SCFD1: variants seen among roughly 807,000 people sequenced by gnomAD.
The protein encoded by SCFD1 is sec1 family domain-containing protein 1.
SCFD1 carries 37 observed loss-of-function variants against 103.2 expected under a neutral mutation model. The ratio of observed to expected loss-of-function variants is 0.36; its 90% CI spans 0.28 to 0.47. The LOEUF is 0.47. SCFD1 is among the 20% of genes least tolerant of loss of function. The pLI, the probability that SCFD1 is intolerant of heterozygous loss-of-function variation, is 1.00. For synonymous variants in SCFD1, 264 were observed against 245.0 expected, an observed-to-expected ratio of 1.08 and a Z score of -0.73; for missense variants, 639 against 761.2, an observed-to-expected ratio of 0.84 and a Z score of 1.89.
intron 20 of SCFD1, among the ~76,000 whole-genome samples, chr14:30,716,788 CAAG>C (rs1320037270): frequency 6.6e-6 from 1 of 151,984 alleles, no homozygotes; most frequent in Non-Finnish European, 1.5e-5. Context: ...ACTGTAATAA[CAAG>C]AAACTAACAA....
chr14:30,709,353 A>T (rs1272018775), intron 19 of SCFD1, among the ~76,000 whole-genome samples: 1 of 151,826 alleles, frequency 6.6e-6, no homozygotes, highest in African/African-American at 2.4e-5. Context: ...GCTGGAGTGC[A>T]GTGATGCTAG....
chr14:30,675,961 T>G (rs1309092667), intron 14 of SCFD1, among the ~76,000 whole-genome samples: 1 of 152,206 alleles, frequency 6.6e-6, no homozygotes, highest in Admixed American at 6.5e-5. Flanking sequence ...GTTTCACATC[T>G]TGGTACTTGA....
chr14:30,632,919 A>G (rs1039486917), intron 3 of SCFD1, among the ~76,000 whole-genome samples: 6 of 152,188 alleles, frequency 3.9e-5, no homozygotes, highest in Admixed American at 1.3e-4. Flanking sequence ...CTAACTTGCT[A>G]CTTGCCACCA....
chr14:30,655,065 C>T (rs964557369), intron 10 of SCFD1, among the ~76,000 whole-genome samples: 5 of 152,132 alleles, frequency 3.3e-5, no homozygotes, highest in Non-Finnish European at 1.5e-5. Context: ...CTTTCTAGAG[C>T]TTACATTCTA....
intron 15 of SCFD1, among the ~76,000 whole-genome samples, chr14:30,696,724 A>C (rs1482593522): frequency 1.3e-5 from 2 of 152,144 alleles, no homozygotes; most frequent in African/African-American, 4.8e-5. Flanking sequence ...GCACAGGAAC[A>C]AACCAGCTTG....
At chr14:30,670,137 G>A (rs1888400804) in intron 10 of SCFD1, 119 bp from the exon 11 acceptor site, 1 of 727,176 alleles carries the variant, frequency 1.4e-6, no homozygotes, top group African/African-American at 1.9e-5. Context: ...AAGATTGGGA[G>A]GAGATGTTTT....
At chr14:30,734,219 A>G (rs1312361981) in intron 23 of SCFD1, among the ~76,000 whole-genome samples, 4 of 152,214 alleles carry the variant, frequency 2.6e-5, no homozygotes, top group Non-Finnish European at 5.9e-5. Flanking sequence ...CTTCAGGTTC[A>G]CGATACATAC....
intron 23 of SCFD1, among the ~76,000 whole-genome samples, chr14:30,730,286 C>A (rs916080301): frequency 1.3e-5 from 2 of 152,122 alleles, no homozygotes; most frequent in Non-Finnish European, 2.9e-5. Context: ...GGTTCCAAGT[C>A]TTTGCTGTTG....
chr14:30,707,985 C>T lies in SCFD1; in HGVS notation c.1554-5C>T, dbSNP rs538936942. ...GAATGGTCCTTCTCTTTTGCCCCTA[C>T]CTAGTCTTTTATCACGAGTCATGAA... On this transcript the variant is annotated splice_polypyrimidine_tract_variant and splice_region_variant and intron_variant, in intron 18 of 24. Coordinates refer to ENST00000458591, the MANE Select transcript of SCFD1 (RefSeq NM_016106.4). The T allele has an allele frequency of 2.1e-5, 34 of 1,608,364 alleles. No individual in the cohort carries two copies. The highest frequency in any genetic ancestry group is 1.0e-4 in the Admixed American group (6 of 59,984).
At position 30,701,778 on chromosome 14, in the gene SCFD1, C is replaced by T. The variant is rs1891096976; in HGVS notation, c.1411-518C>T. Among the ~76,000 whole-genome samples, 10 of 151,766 alleles carry T rather than the reference C, an allele frequency of 6.6e-5. No individual in the cohort carries two copies. In the South Asian group the frequency reaches 2.1e-3, roughly 32 times the overall value. On this transcript the variant is annotated intron_variant, in intron 16 of 24. Transcript: ENST00000458591. ...GCTCCTTTAAGTTACACAAATTCAGCCAGACTTATCAGAAAATGAGTAAGG... is the reference window on the plus strand; with the variant it reads ...GCTCCTTTAAGTTACACAAATTCAGTCAGACTTATCAGAAAATGAGTAAGG...
intron 10 of SCFD1, 86 bp from the exon 11 acceptor site, chr14:30,670,170 C>T: frequency 9.5e-7 from 1 of 1,047,810 alleles, no homozygotes; most frequent in African/African-American, 1.7e-5. Context: ...TATATTTTGT[C>T]CTTGGAAACA....
chr14:30,648,041 G>C (rs1351300462), intron 7 of SCFD1, among the ~76,000 whole-genome samples: 1 of 152,154 alleles, frequency 6.6e-6, no homozygotes, highest in East Asian at 1.9e-4. Context: ...GGAAAAACAA[G>C]TTTTAGAACA....
intron 23 of SCFD1, among the ~76,000 whole-genome samples, chr14:30,731,369 T>C (rs1893451423): frequency 6.6e-6 from 1 of 152,220 alleles, no homozygotes; most frequent in Non-Finnish European, 1.5e-5. Context: ...TTAAAGTAGT[T>C]TTTTCCAATT....
At chr14:30,633,151 A>G (rs1884351852) in intron 3 of SCFD1, among the ~76,000 whole-genome samples, 2 of 152,180 alleles carry the variant, frequency 1.3e-5, no homozygotes, top group Admixed American at 6.5e-5. Flanking sequence ...ACCACAACCT[A>G]TGGCAGCCAT....
At chr14:30,698,070 A>G (rs1391883406) in intron 15 of SCFD1, among the ~76,000 whole-genome samples, 3 of 152,192 alleles carry the variant, frequency 2.0e-5, no homozygotes, top group African/African-American at 7.2e-5. Flanking sequence ...TGTCTTTGAC[A>G]TTTGGGGGTA....
At chr14:30,717,096 A>G (rs1395984876) in intron 20 of SCFD1, among the ~76,000 whole-genome samples, 1 of 152,226 alleles carries the variant, frequency 6.6e-6, no homozygotes, top group African/African-American at 2.4e-5. Flanking sequence ...AACTTCCAGA[A>G]GATACTATGC....
chr14:30,632,046 G>GGA (rs1491138307), intron 3 of SCFD1, among the ~76,000 whole-genome samples: 1 of 70,266 alleles, frequency 1.4e-5, no homozygotes, highest in Non-Finnish European at 2.6e-5. Flanking sequence ...AGATTCTGTT[G>GGA]AAAAAAAAAA....
chr14:30,680,806 C>A (rs1324195592), intron 14 of SCFD1, among the ~76,000 whole-genome samples: 1 of 152,078 alleles, frequency 6.6e-6, no homozygotes, highest in East Asian at 1.9e-4. Context: ...AAGGGAACCT[C>A]TATAGTCTGT....
At chr14:30,632,615 G>A in intron 3 of SCFD1, among the ~76,000 whole-genome samples, 1 of 152,104 alleles carries the variant, frequency 6.6e-6, no homozygotes, top group East Asian at 1.9e-4. Context: ...GCTATCCTTG[G>A]AAATTGTGGT....
Sources: gnomAD v4.1 joint callset for allele counts (sites outside exome capture counted in the v4.1 genomes callset) on GRCh38, gnomAD v4.1.1 for gene constraint, MANE v1.5 for transcripts, NCBI Gene and HGNC (gene_info 2026-07-23, HGNC 2026-07-21) for gene names.